MTUS1: variants seen among roughly 807,000 people sequenced by gnomAD.
The protein encoded by MTUS1 is microtubule associated scaffold protein 1.
Under a neutral mutation model 120.8 loss-of-function variants are expected in MTUS1, and 109 were observed. That is an observed-to-expected ratio of 0.90 (90% CI 0.77 to 1.06). The LOEUF (loss-of-function observed/expected upper bound fraction) is 1.06, where lower values mean the gene tolerates loss of function less well. MTUS1 is among the 50% of genes least tolerant of loss of function. The pLI is 0.00. For missense variants in MTUS1, 2,210 were observed against 1,486.3 expected (o/e 1.49, Z -8.01); for synonymous variants, 737 against 550.5 (o/e 1.34, Z -4.74).
intron 8 of MTUS1, chr8:17,674,966 G>C: frequency 7.7e-7 from 1 of 1,294,844 alleles, no homozygotes; most frequent in Non-Finnish European, 9.8e-7. Flanking sequence ...CAGAAGTTCT[G>C]CTAGGCTTAG....
intron 4 of MTUS1, among the ~76,000 whole-genome samples, chr8:17,719,259 T>G (rs1295879823): frequency 1.3e-5 from 2 of 152,224 alleles, no homozygotes; most frequent in Admixed American, 1.3e-4. Context: ...GAAAATTCGC[T>G]TTTATTACAT....
intron 1 of MTUS1, among the ~76,000 whole-genome samples, chr8:17,798,614 G>T (rs1354780173): frequency 6.6e-6 from 1 of 152,204 alleles, no homozygotes; most frequent in Non-Finnish European, 1.5e-5. Context: ...TTAGAGGCGT[G>T]AGCCACCGCA....
chr8:17,713,020 C>T (rs917499946), intron 6 of MTUS1, among the ~76,000 whole-genome samples, 194 bp downstream of exon 6: 1 of 152,074 alleles, frequency 6.6e-6, no homozygotes, highest in Admixed American at 6.6e-5. Context: ...ATACAATGTC[C>T]TTTCATGCAT....
At chr8:17,712,199 T>C (rs1821440352) in intron 6 of MTUS1, among the ~76,000 whole-genome samples, 1 of 152,204 alleles carries the variant, frequency 6.6e-6, no homozygotes, top group Admixed American at 6.5e-5. Flanking sequence ...TGAGCGATGC[T>C]TGTACCTTCG....
intron 3 of MTUS1, among the ~76,000 whole-genome samples, chr8:17,728,880 A>C (rs77853118): frequency 0.041 from 6,171 of 152,228 alleles, 178 homozygotes; most frequent in East Asian, 0.15. Flanking sequence ...AAATCAGGGA[A>C]AAAGATAGGA....
intron 3 of MTUS1, chr8:17,734,191 T>C (rs2046779749): frequency 6.6e-6 from 1 of 152,204 alleles, no homozygotes; most frequent in Admixed American, 6.5e-5. Context: ...CAGTGTCTGG[T>C]ACATGACTTA....
intron 14 of MTUS1, 66 bp downstream of exon 14, chr8:17,646,916 C>T (rs1030522447): frequency 1.1e-5 from 13 of 1,201,588 alleles, no homozygotes; most frequent in African/African-American, 3.0e-5. Flanking sequence ...AGAGCGTGTC[C>T]AGAAAGTACA....
chr8:17,788,179 C>G (rs957734790), intron 1 of MTUS1, among the ~76,000 whole-genome samples: 11 of 152,060 alleles, frequency 7.2e-5, no homozygotes, highest in African/African-American at 2.2e-4. Context: ...TTGGTGTGAT[C>G]GTTACACCAA....
chr8:17,728,512 G>C lies in MTUS1; in HGVS notation c.2288-4679C>G, dbSNP rs552117354. On this transcript the variant is annotated intron_variant, in intron 3 of 14. Transcript: ENST00000693296. ...TAAGGCAAGTGCAAGTAATCACAAA[G>C]TTCAAACATATACAGAGCCAGAACC... is the stretch of plus-strand genomic sequence containing the variant. Among the ~76,000 whole-genome samples the C allele has an allele frequency of 2.6e-3, 393 of 152,322 alleles. 1 individual carries two copies. The highest frequency in any genetic ancestry group is 4.1e-3 in the Non-Finnish European group (278 of 68,028).
intron 3 of MTUS1, among the ~76,000 whole-genome samples, chr8:17,741,926 G>A (rs931014803): frequency 3.9e-5 from 6 of 152,296 alleles, no homozygotes; most frequent in South Asian, 2.1e-4. Flanking sequence ...CTCAGGCAGC[G>A]TATTGGGGCC....
chr8:17,762,187 G>A (rs1463944377), intron 1 of MTUS1, among the ~76,000 whole-genome samples: 2 of 152,150 alleles, frequency 1.3e-5, no homozygotes, highest in African/African-American at 4.8e-5. Flanking sequence ...GCTGAGGCAG[G>A]AGAATCACTG....
rs1301993451 is a variant in MTUS1 at position 17,749,673 on chromosome 8, AAAAAAGAAAG to A, written c.2091+4034_2091+4043del. 3.0e-4 allele frequency among the ~76,000 whole-genome samples: 46 copies of A among 151,978 alleles called. No individual in the cohort carries two copies. The East Asian group carries it at 3.1e-3, about 10-fold the overall frequency. On this transcript the variant is annotated intron_variant, in intron 2 of 14. Coordinates refer to ENST00000693296, the MANE Select transcript of MTUS1 (RefSeq NM_001363059.2). Reference sequence around the variant, plus strand: ...AGAATCTGTCTCAAAAAAAAAAAAAAAAAAAGAAAGAAAAAGAAAGAAAATCTTTAAATCT... The same window carrying A: ...AGAATCTGTCTCAAAAAAAAAAAAAAAAAAAGAAAGAAAATCTTTAAATCT...
At chr8:17,748,692 T>A (rs1351825491) in intron 2 of MTUS1, among the ~76,000 whole-genome samples, 2 of 152,108 alleles carry the variant, frequency 1.3e-5, no homozygotes, top group African/African-American at 4.8e-5. Flanking sequence ...CTGTACTCAC[T>A]TGCCCACACA....
At chr8:17,659,249 C>A (rs1809146582) in intron 8 of MTUS1, among the ~76,000 whole-genome samples, 1 of 152,120 alleles carries the variant, frequency 6.6e-6, no homozygotes, top group Non-Finnish European at 1.5e-5. Context: ...CATGATGGGG[C>A]CTCTACTGGA....
At chr8:17,782,041 C>T (rs764481518) in intron 1 of MTUS1, among the ~76,000 whole-genome samples, 1 of 152,186 alleles carries the variant, frequency 6.6e-6, no homozygotes, top group African/African-American at 2.4e-5. Context: ...AGGCTGGGCT[C>T]CCATTTCAAA....
At chr8:17,663,815 C>T (rs755096547) in intron 8 of MTUS1, among the ~76,000 whole-genome samples, 2 of 152,108 alleles carry the variant, frequency 1.3e-5, no homozygotes, top group African/African-American at 2.4e-5. Context: ...AGGCTGGTCT[C>T]GAACTCCTGA....
intron 4 of MTUS1, 144 bp downstream of exon 4, chr8:17,723,523 TGCCAA>T: frequency 1.3e-6 from 1 of 782,886 alleles, no homozygotes; most frequent in Admixed American, 2.2e-5. Flanking sequence ...ATTTTTTTTC[TGCCAA>T]ACTTTCAGAG....
chr8:17,725,193 G>C (rs1034815902), intron 3 of MTUS1, among the ~76,000 whole-genome samples: 1 of 152,146 alleles, frequency 6.6e-6, no homozygotes, highest in Admixed American at 6.5e-5. Context: ...AGTTGAAAAA[G>C]ACCTTTGATG....
At chr8:17,657,846 T>C (rs1482328077) in intron 8 of MTUS1, among the ~76,000 whole-genome samples, 2 of 144,254 alleles carry the variant, frequency 1.4e-5, no homozygotes, top group African/African-American at 5.1e-5. Flanking sequence ...GTTAAAAAAA[T>C]TTATATATGT....
Sources: allele counts gnomAD v4.1 joint callset (sites outside exome capture counted in the v4.1 genomes callset), GRCh38; gene constraint gnomAD v4.1.1; transcripts MANE v1.5; gene names NCBI Gene and HGNC (gene_info 2026-07-23, HGNC 2026-07-21).